The following JADE3 variants were observed in gnomAD, a reference collection of about 807,000 sequenced individuals.
The protein encoded by JADE3 is protein Jade-3.
JADE3 carries 2 observed loss-of-function variants against 50.1 expected under a neutral mutation model. The ratio of observed to expected loss-of-function variants is 0.04; its 90% CI spans 0.02 to 0.13. JADE3 has a LOEUF of 0.13. JADE3 is among the 10% of genes least tolerant of loss of function. JADE3 has a pLI of 1.00. For synonymous variants in JADE3, 218 were observed against 232.9 expected (o/e 0.94, Z 0.58); for missense variants, 475 against 634.4 (o/e 0.75, Z 2.70).
intron 1 of JADE3, among the ~76,000 whole-genome samples, chrX:46,968,342 A>G (rs782599229): frequency 6.3e-5 from 7 of 111,940 alleles, no homozygotes; most frequent in Non-Finnish European, 1.1e-4. Flanking sequence ...CAAACTTCCC[A>G]TTCCAGACAG....
intron 8 of JADE3, among the ~76,000 whole-genome samples, chrX:47,053,372 C>T (rs1435225459): frequency 3.6e-5 from 4 of 111,208 alleles, no homozygotes; most frequent in African/African-American, 1.3e-4. Flanking sequence ...AATTCTCATG[C>T]CTCAGCCTCC....
rs139229463 is a variant in JADE3 at position 46,957,895 on chromosome X, A to G, written c.-11-26989A>G. Among the ~76,000 whole-genome samples the G allele has an allele frequency of 3.1e-3, 346 of 112,180 alleles. 3 individuals are homozygous for G. Among genetic ancestry groups the G allele is most frequent in the East Asian group, 0.026 (95 of 3,588 alleles). On this transcript the variant is annotated intron_variant, in intron 1 of 10. Coordinates refer to ENST00000614628, the MANE Select transcript of JADE3 (RefSeq NM_014735.5). ...GAATTTTGCTTTTATAAACAGTTCT[A>G]TGTTGATCATTGTGCAAATTTGTGA...
At chrX:46,941,932 G>C (rs1381639217) in intron 1 of JADE3, among the ~76,000 whole-genome samples, 2 of 103,120 alleles carry the variant, frequency 1.9e-5, no homozygotes, top group African/African-American at 7.1e-5. Context: ...TGTAGAGGCA[G>C]GGTTTCACCA....
rs782289737 is a variant in JADE3, at chrX:47,059,325, A to G, written c.*248A>G. On this transcript the variant is annotated 3_prime_UTR_variant, in exon 11 of 11. Transcript: ENST00000614628. ...TATTGGGAACAGCTGGGCCCAGGGT[A>G]TTTGCTCAGTAAATATTTTGGGGCA... 1 of 324,598 alleles carries G rather than the reference A, an allele frequency of 3.1e-6. No homozygotes were observed. The highest frequency in any genetic ancestry group is 5.3e-6 in the Non-Finnish European group (1 of 188,129). The allele number at this position is 324,598 out of a possible 1,213,427, so 26.8% of individuals were successfully genotyped here. A position where few individuals can be genotyped will look rare whatever the true frequency, so the allele number is the denominator to read the frequency against.
At chrX:46,984,741 G>A (rs1927826581) in intron 1 of JADE3, 143 bp from the exon 2 acceptor site, 1 of 479,820 alleles carries the variant, frequency 2.1e-6, no homozygotes. Flanking sequence ...ATTATTCTAA[G>A]TCATTTGAGA....
intron 4 of JADE3, among the ~76,000 whole-genome samples, chrX:47,023,085 G>A (rs1569537791): frequency 9.0e-6 from 1 of 111,392 alleles, no homozygotes; most frequent in Non-Finnish European, 1.9e-5. Context: ...CTATATAATT[G>A]TTATAATAGT....
chrX:47,018,339 C>CT lies in JADE3; in HGVS notation c.285-6373dup, dbSNP rs782308666. The stretch of plus-strand genomic sequence containing the variant: ...AGGAGCACAATGTACAGAGCACTTT[C>CT]TTTTTTTTTTTTGAGATGGAGTCTC... On this transcript the variant is annotated intron_variant, in intron 4 of 10. Coordinates refer to ENST00000614628, the MANE Select transcript of JADE3 (RefSeq NM_014735.5). Among the ~76,000 whole-genome samples, 328 of 103,479 alleles carry CT rather than the reference C, an allele frequency of 3.2e-3. 3 individuals are homozygous for CT. The highest frequency in any genetic ancestry group is 0.015 in the East Asian group (49 of 3,325). 89.9% of individuals were successfully genotyped at this position (103,479 alleles called of 115,157 possible).
At chrX:46,978,845 C>T (rs1927680202) in intron 1 of JADE3, among the ~76,000 whole-genome samples, 1 of 112,050 alleles carries the variant, frequency 8.9e-6, no homozygotes, top group South Asian at 3.7e-4. Context: ...CCAATTTCCT[C>T]ATCTGTAAAA....
Position 47,024,819 on chromosome X carries a change from A to T in JADE3, c.380A>T (p.Asn127Ile). 8.4e-7 allele frequency: 1 copy of T among 1,196,418 alleles called. No homozygotes were observed. The highest frequency in any genetic ancestry group is 3.0e-5 in the East Asian group (1 of 33,770). Residue 127 changes from asparagine (N) to isoleucine (I), a missense_variant, in exon 5 of 11, where the codon AAC becomes ATC. Around this residue, in one of 6 missense-constraint regions of JADE3, gnomAD observed 54 missense variants for 51.8 expected, o/e 1.04. Coordinates refer to ENST00000614628, the MANE Select transcript of JADE3 (RefSeq NM_014735.5). ...GACACCACAGAGCCTGGCTACATCA[A>T]CATCATGGAGTTGGCAGCATCTGTT... ...SPDTTEPGYI[N>I]IMELAASVCR...
intron 4 of JADE3, among the ~76,000 whole-genome samples, chrX:47,014,461 G>T (rs1275614959): frequency 1.8e-5 from 2 of 111,761 alleles, no homozygotes; most frequent in Non-Finnish European, 3.8e-5. Context: ...TTGGGGCATT[G>T]TCCCCATGAA....
intron 1 of JADE3, among the ~76,000 whole-genome samples, chrX:46,967,093 G>A (rs1402742088): frequency 2.7e-5 from 3 of 112,436 alleles, no homozygotes; most frequent in African/African-American, 9.7e-5. Flanking sequence ...GTTGCTTTAA[G>A]CATTATAAGT....
intron 1 of JADE3, among the ~76,000 whole-genome samples, chrX:46,919,876 C>T (rs1270554707): frequency 1.8e-5 from 2 of 111,080 alleles, no homozygotes; most frequent in Non-Finnish European, 3.8e-5. Flanking sequence ...AATTTATAAA[C>T]ACACACATCA....
chrX:46,992,321 G>C (rs1928033131), intron 3 of JADE3, among the ~76,000 whole-genome samples: 1 of 97,129 alleles, frequency 1.0e-5, no homozygotes, highest in African/African-American at 4.0e-5. Context: ...CAGCTTCCCT[G>C]TGTGAGCCTA....
chrX:46,917,799 G>GTCTCTCTC (rs57067547), intron 1 of JADE3, among the ~76,000 whole-genome samples: 21 of 62,478 alleles, frequency 3.4e-4, no homozygotes, highest in African/African-American at 1.2e-3. Context: ...TGGGAGGTCT[G>GTCTCTCTC]TCTCTCTCTC....
chrX:46,954,128 C>T (rs1191355070), intron 1 of JADE3, among the ~76,000 whole-genome samples: 3 of 111,608 alleles, frequency 2.7e-5, no homozygotes, highest in African/African-American at 9.8e-5. Context: ...CCAACTGTGT[C>T]TCTGCAAGGC....
chrX:46,952,801 C>T (rs1232527042), intron 1 of JADE3, among the ~76,000 whole-genome samples: 1 of 111,548 alleles, frequency 9.0e-6, no homozygotes, highest in Non-Finnish European at 1.9e-5. Flanking sequence ...AGTTTGAGAC[C>T]AGCCTGGCCA....
At chrX:46,926,146 C>T (rs939891429) in intron 1 of JADE3, among the ~76,000 whole-genome samples, 21 of 101,151 alleles carry the variant, frequency 2.1e-4, no homozygotes, top group African/African-American at 7.4e-4. Flanking sequence ...CCTTCTGCCT[C>T]AGCTTCCCAA....
chrX:46,913,535 C>A (rs1926014861), intron 1 of JADE3, among the ~76,000 whole-genome samples: 2 of 111,320 alleles, frequency 1.8e-5, no homozygotes, highest in Admixed American at 9.4e-5. Flanking sequence ...ATTCCCTCCG[C>A]CCCGGGGGCC....
chrX:47,014,808 C>A (rs1556362511), intron 4 of JADE3, among the ~76,000 whole-genome samples: 1 of 111,897 alleles, frequency 8.9e-6, no homozygotes, highest in East Asian at 2.8e-4. Context: ...GTATTTTAAA[C>A]AGTTTTTGAA....
Sources: allele counts gnomAD v4.1 joint callset (sites outside exome capture counted in the v4.1 genomes callset), GRCh38; gene constraint gnomAD v4.1.1; regional missense constraint gnomAD v4.1.1; transcripts MANE v1.5; gene names NCBI Gene and HGNC (gene_info 2026-07-23, HGNC 2026-07-21).